The following GET4 variants were observed in gnomAD, a reference collection of about 807,000 sequenced individuals.
GET4 encodes the protein Golgi to ER traffic protein 4 homolog.
In GET4, 20 loss-of-function variants were observed where a neutral mutation model predicts 40.0. That is an observed-to-expected ratio of 0.50 (90% CI 0.35 to 0.73). GET4 has a LOEUF of 0.73. Ranked by LOEUF, GET4 falls within the 30% of genes least tolerant of loss-of-function variation. GET4 has a pLI of 0.01. For synonymous variants in GET4, 280 were observed against 194.6 expected, an observed-to-expected ratio of 1.44 and a Z score of -3.65; for missense variants, 557 against 454.0, an observed-to-expected ratio of 1.23 and a Z score of -2.06.
At chr7:888,958 C>A (rs1261515688) in intron 4 of GET4, among the ~76,000 whole-genome samples, 1 of 152,268 alleles carries the variant, frequency 6.6e-6, no homozygotes, top group African/African-American at 2.4e-5. Flanking sequence ...CCTCGCCACT[C>A]CTGCGCACGG....
At chr7:884,006 G>A (rs2128627289) in intron 1 of GET4, 1 of 1,138,202 alleles carries the variant, frequency 8.8e-7, no homozygotes. Flanking sequence ...TCCAAACCAG[G>A]CCGGGGGCCG....
At chr7:888,857 G>A (rs986813998) in intron 4 of GET4, among the ~76,000 whole-genome samples, 3 of 152,256 alleles carry the variant, frequency 2.0e-5, no homozygotes, top group Non-Finnish European at 4.4e-5. Context: ...GCCAGGTTAG[G>A]GAGGCAGGAG....
At chr7:877,378 T>C (rs1364464914) in intron 1 of GET4, among the ~76,000 whole-genome samples, 1 of 89,152 alleles carries the variant, frequency 1.1e-5, no homozygotes, top group Non-Finnish European at 2.2e-5. Flanking sequence ...CTCGTCTCTT[T>C]CTTCCAGCCT....
Position 895,377 on chromosome 7 carries a change from TGGGGAGGAGAGC to T in GET4, c.940_951del (p.Gly314_Ser317del). 6.2e-7 allele frequency: 1 copy of T among 1,601,012 alleles called. No homozygotes were observed. Among genetic ancestry groups the T allele is most frequent in the Non-Finnish European group, 8.5e-7 (1 of 1,169,804 alleles). On this transcript the variant is annotated inframe_deletion, in exon 9 of 9. Transcript: ENST00000265857. ...TCATGGGCTCCTCAGAGCAGGAGGA[TGGGGAGGAGAGC>T]CCCAGCGACGGCAGCCCCATCGAGC... is the stretch of plus-strand genomic sequence containing the variant.
intron 1 of GET4, among the ~76,000 whole-genome samples, chr7:877,163 G>C (rs1843973722): frequency 6.7e-6 from 1 of 149,066 alleles, no homozygotes; most frequent in South Asian, 2.1e-4. Context: ...TTCGGTCTCT[G>C]TCTCTCTCCG....
chr7:883,399 T>A, intron 1 of GET4: 2 of 542,330 alleles, frequency 3.7e-6, no homozygotes, highest in Non-Finnish European at 4.7e-6. Flanking sequence ...CCCCATGAGC[T>A]CGGTCTTTCT....
chr7:888,058 C>G (rs547736124), intron 4 of GET4, among the ~76,000 whole-genome samples: 4 of 152,118 alleles, frequency 2.6e-5, no homozygotes, highest in South Asian at 2.1e-4. Flanking sequence ...AGCGTCCTCC[C>G]CAGGGCATTC....
chr7:893,371 CGTGGTGTGTGCAGGTGAGTGTTGG>C (rs1844381518), intron 6 of GET4, among the ~76,000 whole-genome samples: 1 of 36,430 alleles, frequency 2.7e-5, no homozygotes, highest in African/African-American at 1.0e-4. Flanking sequence ...TGGGTGTGGG[CGTGGTGTGTGCAGGTGAGTGTTGG>C]GCGTGGGCGC....
At chr7:894,004 A>C in intron 8 of GET4, 33 bp downstream of exon 8, 1 of 1,470,964 alleles carries the variant, frequency 6.8e-7, no homozygotes, top group South Asian at 1.3e-5. Context: ...CACCCACTCC[A>C]GCCCTGGGTC....
At chr7:891,775 G>A (rs1844327778) in intron 5 of GET4, among the ~76,000 whole-genome samples, 1 of 152,282 alleles carries the variant, frequency 6.6e-6, no homozygotes, top group African/African-American at 2.4e-5. Context: ...CGTGACTTAA[G>A]TGAAAAGCTG....
At chr7:887,557 G>A in intron 4 of GET4, 38 bp downstream of exon 4, 1 of 1,463,978 alleles carries the variant, frequency 6.8e-7, no homozygotes, top group South Asian at 1.4e-5. Flanking sequence ...GCACCTCTCT[G>A]CTCTCGGCGT....
At chr7:878,411 T>G (rs942404105) in intron 1 of GET4, 64 of 470,118 alleles carry the variant, frequency 1.4e-4, no homozygotes, top group African/African-American at 1.3e-3. Context: ...CACTAGGAAT[T>G]GGGTCTGTTT....
rs141406197 is a variant in GET4, at chr7:893,783, C to T, written c.790C>T (p.Pro264Ser). Residue 264 changes from proline (P) to serine (S), a missense_variant, in exon 7 of 9, where the codon CCA becomes TCA. Pro to Ser is a moderately conservative substitution (Grantham distance 74). Transcript: ENST00000265857. ...VFTVLCEQYQ[P>S]SLRRDPMYNE... is the part of the protein sequence containing the mutation. ...CACTGTGCTGTGTGAGCAGTACCAG[C>T]CATCCCTCCGGCGGGACCCCATGTA... 26 of 1,611,012 alleles carry T rather than the reference C, an allele frequency of 1.6e-5. No homozygotes were observed. The South Asian group carries it at 2.5e-4, about 16-fold the overall frequency.
rs1843956244 is a variant in GET4, at chr7:876,806, CGCGCCCGGCCCTCGCCGCAGCCCA to C, written c.155+14_155+37del. 8 of 1,195,932 alleles carry C rather than the reference CGCGCCCGGCCCTCGCCGCAGCCCA, an allele frequency of 6.7e-6. No homozygotes were observed. Among genetic ancestry groups the C allele is most frequent in the Non-Finnish European group, 8.4e-6 (8 of 951,080 alleles). 74.1% of individuals were successfully genotyped at this position (1,195,932 alleles called of 1,614,324 possible). A position where few individuals can be genotyped will look rare whatever the true frequency, so the allele number is the denominator to read the frequency against. On this transcript the variant is annotated splice_region_variant and intron_variant, in intron 1 of 8. Coordinates refer to ENST00000265857, the MANE Select transcript of GET4 (RefSeq NM_015949.3). ...TACCGGACCCTGTTCTTCAGGTACC[CGCGCCCGGCCCTCGCCGCAGCCCA>C]GCGCCCGCCCCCGCCGCCTCCCATT...
intron 4 of GET4, 47 bp from the exon 5 acceptor site, chr7:890,881 G>A: frequency 2.8e-6 from 4 of 1,440,402 alleles, no homozygotes; most frequent in Non-Finnish European, 3.9e-6. Context: ...CCTTTTCTGT[G>A]TTATATTCGT....
chr7:894,210 T>A (rs1213228733), intron 8 of GET4, among the ~76,000 whole-genome samples: 1 of 151,966 alleles, frequency 6.6e-6, no homozygotes, highest in African/African-American at 2.4e-5. Flanking sequence ...GTGTCTTCCA[T>A]TTCCTGGCAG....
chr7:893,057 G>T (rs1204931636), intron 6 of GET4, among the ~76,000 whole-genome samples: 1 of 149,162 alleles, frequency 6.7e-6, no homozygotes, highest in African/African-American at 2.5e-5. Context: ...GTTGGGTGTG[G>T]GCGTGGTGGT....
intron 1 of GET4, among the ~76,000 whole-genome samples, chr7:877,141 C>G (rs1053286151): frequency 2.0e-5 from 3 of 151,830 alleles, no homozygotes; most frequent in Non-Finnish European, 2.9e-5. Context: ...TCGGCCGCCT[C>G]CCGCCTCGTC....
At chr7:877,682 C>T (rs1843991711) in intron 1 of GET4, among the ~76,000 whole-genome samples, 1 of 126,444 alleles carries the variant, frequency 7.9e-6, no homozygotes, top group Admixed American at 7.7e-5. Flanking sequence ...CACCCCATAT[C>T]TCCCTGTCCC....
Sources: gnomAD v4.1 joint callset for allele counts (sites outside exome capture counted in the v4.1 genomes callset) on GRCh38, gnomAD v4.1.1 for gene constraint, MANE v1.5 for transcripts, NCBI Gene and HGNC (gene_info 2026-07-23, HGNC 2026-07-21) for gene names.